Variants in PDS5B observed in about 807,000 individuals in gnomAD.
PDS5B encodes the protein PDS5 cohesin associated factor B, also known as sister chromatid cohesion protein PDS5 homolog B.
In PDS5B, 51 loss-of-function variants were observed where a neutral mutation model predicts 184.1. The ratio of observed to expected loss-of-function variants is 0.28; its 90% confidence interval spans 0.22 to 0.35. The LOEUF is 0.35. Among genes scored for constraint, PDS5B ranks in the 10% least tolerant of loss-of-function variants. The pLI, the probability that PDS5B is intolerant of heterozygous loss-of-function variation, is 1.00. For missense variants in PDS5B, 1,180 were observed against 1,723.3 expected, an observed-to-expected ratio of 0.68 and a Z score of 5.58; for synonymous variants, 566 against 569.2, an observed-to-expected ratio of 0.99 and a Z score of 0.08.
chr13:32,692,458 G>A (rs1951584835), intron 13 of PDS5B, among the ~76,000 whole-genome samples: 1 of 130,504 alleles, frequency 7.7e-6, no homozygotes, highest in Non-Finnish European at 1.6e-5. Context: ...AGAGTCCGAT[G>A]GGTGACTTGT....
chr13:32,676,664 G>T (rs1951071515), intron 9 of PDS5B, among the ~76,000 whole-genome samples: 1 of 152,132 alleles, frequency 6.6e-6, no homozygotes, highest in South Asian at 2.1e-4. Flanking sequence ...GGGCGCGGTG[G>T]CTCATGCCTG....
chr13:32,703,214 G>T (rs1019092534), intron 17 of PDS5B, among the ~76,000 whole-genome samples: 1 of 152,148 alleles, frequency 6.6e-6, no homozygotes, highest in Non-Finnish European at 1.5e-5. Context: ...TGCTCAGATT[G>T]TATAGAAAGA....
At chr13:32,739,551 A>C (rs915655506) in intron 21 of PDS5B, among the ~76,000 whole-genome samples, 4 of 152,074 alleles carry the variant, frequency 2.6e-5, no homozygotes, top group African/African-American at 9.7e-5. Flanking sequence ...GCCAGCTTTG[A>C]TTATTTTCTA....
chr13:32,672,625 A>C (rs372144028), intron 7 of PDS5B, among the ~76,000 whole-genome samples: 2 of 152,196 alleles, frequency 1.3e-5, no homozygotes, highest in Admixed American at 6.5e-5. Flanking sequence ...CTATTGGTGC[A>C]ATTTCTGGAG....
chr13:32,647,958 T>C (rs1024823627), intron 1 of PDS5B, among the ~76,000 whole-genome samples: 2 of 152,198 alleles, frequency 1.3e-5, no homozygotes. Context: ...TTATGTTAGG[T>C]GCTTGGGGCT....
intron 20 of PDS5B, 35 bp from the exon 21 acceptor site, chr13:32,735,137 A>G (rs367935146): frequency 7.2e-6 from 10 of 1,382,218 alleles, no homozygotes; most frequent in Non-Finnish European, 9.8e-6. Context: ...GTATATGTGT[A>G]GAGTTGAAAT....
intron 28 of PDS5B, 129 bp downstream of exon 28, chr13:32,758,782 CA>C: frequency 1.2e-6 from 1 of 845,956 alleles, no homozygotes; most frequent in Admixed American, 2.2e-5. Context: ...AGATCAGAAC[CA>C]GAATATGAGT....
At chr13:32,763,569 G>A (rs1954484189) in intron 30 of PDS5B, 1 of 152,072 alleles carries the variant, frequency 6.6e-6, no homozygotes, top group South Asian at 2.1e-4. Context: ...TTATTTTGAT[G>A]TTAGATAGAT....
chr13:32,745,716 A>G (rs1419058034), intron 23 of PDS5B, among the ~76,000 whole-genome samples: 2 of 152,090 alleles, frequency 1.3e-5, no homozygotes, highest in Non-Finnish European at 2.9e-5. Context: ...AAGCCCTCTC[A>G]GGCCACTTTT....
At chr13:32,647,357 A>G (rs929583593) in intron 1 of PDS5B, among the ~76,000 whole-genome samples, 7 of 151,980 alleles carry the variant, frequency 4.6e-5, no homozygotes, top group Non-Finnish European at 1.0e-4. Context: ...TGCAACCTCT[A>G]CCTCCTGGGT....
At chr13:32,662,477 T>A (rs1950676983) in intron 6 of PDS5B, among the ~76,000 whole-genome samples, 1 of 152,108 alleles carries the variant, frequency 6.6e-6, no homozygotes, top group South Asian at 2.1e-4. Flanking sequence ...ATTCACTATT[T>A]GTGTTCCATT....
Position 32,688,511 on chromosome 13 carries a change from A to G in PDS5B, c.1411A>G (p.Thr471Ala), listed in dbSNP as rs200569285. Residue 471 changes from threonine (T) to alanine (A), a missense_variant, in exon 13 of 35, where the codon ACA (threonine) becomes GCA (alanine). Physicochemically the swap from Thr to Ala is moderately conservative, Grantham distance 58. Around this residue, in one of 11 missense-constraint regions of PDS5B, gnomAD observed 475 missense variants for 691.5 expected, o/e 0.69. Transcript: ENST00000315596. ...CATGGTTCCTCACAATTTAGAAACT[A>G]CAGAACGGATGAAATGCTTATATTA... ...QYMVPHNLETTERMKCLYYLY... is the reference protein window; with the variant it reads ...QYMVPHNLETAERMKCLYYLY... The G allele has an allele frequency of 4.6e-4, 738 of 1,610,802 alleles. 3 individuals carry two copies. The African/African-American group carries it at 7.8e-3, about 17-fold the overall frequency.
rs147241814 is a variant in PDS5B at position 32,643,533 on chromosome 13, G to A, written c.-19-5221G>A. On this transcript the variant is annotated intron_variant, in intron 1 of 34. Coordinates refer to ENST00000315596, the MANE Select transcript of PDS5B (RefSeq NM_015032.4). ...ACCACTTTTTTTCATATACAGTTGC[G>A]TACCACACAACTTTTCTGTCAGTGA... is the stretch of plus-strand genomic sequence containing the variant. Among the ~76,000 whole-genome samples, 29 of 151,970 alleles carry A rather than the reference G, an allele frequency of 1.9e-4. 1 individual carries two copies. The East Asian group carries it at 5.0e-3, about 26-fold the overall frequency.
rs1175465520 is a variant in PDS5B at position 32,765,648 on chromosome 13, G to A, written c.3624+1054G>A. Among the ~76,000 whole-genome samples, 5 of 152,296 alleles carry A rather than the reference G, an allele frequency of 3.3e-5. No homozygotes were observed. The East Asian group carries it at 9.7e-4, about 29-fold the overall frequency. The stretch of plus-strand genomic sequence containing the variant: ...AGACACAGTCTCACTTTGTCGCCCA[G>A]GCTGGAGTGCAGTGGCACGATCTGG... On this transcript the variant is annotated intron_variant, in intron 31 of 34. Transcript: ENST00000315596.
intron 1 of PDS5B, among the ~76,000 whole-genome samples, chr13:32,607,954 T>C (rs1475953243): frequency 6.6e-6 from 1 of 152,194 alleles, no homozygotes; most frequent in Non-Finnish European, 1.5e-5. Flanking sequence ...CCAGGTACTG[T>C]CTGTCATGGC....
chr13:32,592,453 C>T (rs2057792123), intron 1 of PDS5B, among the ~76,000 whole-genome samples: 1 of 152,072 alleles, frequency 6.6e-6, no homozygotes, highest in African/African-American at 2.4e-5. Context: ...GACAGGGTTT[C>T]ACCATGCTGG....
At chr13:32,683,204 G>A (rs547097380) in intron 10 of PDS5B, among the ~76,000 whole-genome samples, 3 of 151,760 alleles carry the variant, frequency 2.0e-5, no homozygotes, top group African/African-American at 7.3e-5. Flanking sequence ...TAGTAGAGAC[G>A]AGGTTTCACC....
intron 1 of PDS5B, among the ~76,000 whole-genome samples, chr13:32,594,727 C>A (rs2057831758): frequency 6.6e-6 from 1 of 152,148 alleles, no homozygotes; most frequent in Non-Finnish European, 1.5e-5. Context: ...ATGCTGCTGC[C>A]AGATGATTGC....
chr13:32,706,101 A>G (rs1952001745), intron 17 of PDS5B, among the ~76,000 whole-genome samples: 1 of 151,942 alleles, frequency 6.6e-6, no homozygotes, highest in Admixed American at 6.6e-5. Flanking sequence ...AACATGGTGA[A>G]ACCCCGTCTC....
Sources: allele counts gnomAD v4.1 joint callset (sites outside exome capture counted in the v4.1 genomes callset), GRCh38; gene constraint gnomAD v4.1.1; regional missense constraint gnomAD v4.1.1; transcripts MANE v1.5; gene names NCBI Gene and HGNC (gene_info 2026-07-23, HGNC 2026-07-21).